FAM168A: variants seen among roughly 807,000 people sequenced by gnomAD.
FAM168A encodes family with sequence similarity 168 member A, also known as protein FAM168A.
FAM168A carries 3 observed loss-of-function variants against 28.5 expected under a neutral mutation model. That is an observed-to-expected ratio of 0.11 (90% CI 0.05 to 0.27). The LOEUF is 0.27. Among genes scored for constraint, FAM168A ranks in the 10% least tolerant of loss-of-function variants. FAM168A has a pLI of 1.00. For missense variants in FAM168A, 222 were observed against 311.5 expected (o/e 0.71, Z 2.16); for synonymous variants, 122 against 124.2 (o/e 0.98, Z 0.12).
At chr11:73,585,709 A>C (rs1944304891) in intron 1 of FAM168A, among the ~76,000 whole-genome samples, 1 of 151,880 alleles carries the variant, frequency 6.6e-6, no homozygotes, top group Non-Finnish European at 1.5e-5. Context: ...CACTACCAAA[A>C]ATACAAAAAT....
In FAM168A at chr11:73,581,873, C is replaced by T. The variant is rs1459769255; in HGVS notation, c.-19+16050G>A. On this transcript the variant is annotated intron_variant, in intron 1 of 7. Coordinates refer to ENST00000356467, the MANE Select transcript of FAM168A (RefSeq NM_015159.3). ...AGCTGGGACTACAGGCATGCGCCAC[C>T]ATGCCCAGCTAATTTTTGTATTTTT... Among the ~76,000 whole-genome samples the T allele has an allele frequency of 3.8e-4, 58 of 152,102 alleles. 3 individuals are homozygous for T. The highest frequency in any genetic ancestry group is 3.7e-3 in the Admixed American group (57 of 15,274).
intron 1 of FAM168A, among the ~76,000 whole-genome samples, chr11:73,483,851 A>C (rs1868001485): frequency 6.6e-6 from 1 of 152,232 alleles, no homozygotes; most frequent in Non-Finnish European, 1.5e-5. Flanking sequence ...CTAATTACCC[A>C]CCAACCATTA....
intron 1 of FAM168A, 71 bp from the exon 2 acceptor site, chr11:73,468,563 TA>T: frequency 8.1e-7 from 1 of 1,235,460 alleles, no homozygotes; most frequent in East Asian, 2.4e-5. Context: ...TTCTCCTCCA[TA>T]ATCTTCAGTT....
chr11:73,421,393 T>C (rs978487674), intron 3 of FAM168A, among the ~76,000 whole-genome samples: 4 of 152,220 alleles, frequency 2.6e-5, no homozygotes, highest in Non-Finnish European at 5.9e-5. Flanking sequence ...GACTCTGCAT[T>C]TGCATTAATG....
At chr11:73,447,616 T>TG (rs1867343820) in intron 2 of FAM168A, among the ~76,000 whole-genome samples, 3 of 151,326 alleles carry the variant, frequency 2.0e-5, no homozygotes, top group Admixed American at 2.0e-4. Flanking sequence ...ATCAGTCCAG[T>TG]GATGGCCCCC....
chr11:73,519,624 G>C (rs1240436836), intron 1 of FAM168A, among the ~76,000 whole-genome samples: 2 of 152,142 alleles, frequency 1.3e-5, no homozygotes, highest in African/African-American at 4.8e-5. Context: ...ATGATGGAGA[G>C]AGGAACAGGC....
At chr11:73,421,325 G>A (rs1490623294) in intron 3 of FAM168A, among the ~76,000 whole-genome samples, 1 of 152,214 alleles carries the variant, frequency 6.6e-6, no homozygotes, top group Non-Finnish European at 1.5e-5. Flanking sequence ...GGCCAGAGAA[G>A]GTCAGGGACT....
chr11:73,479,092 C>T (rs1178305916), intron 1 of FAM168A, among the ~76,000 whole-genome samples: 1 of 152,150 alleles, frequency 6.6e-6, no homozygotes, highest in Admixed American at 6.5e-5. Flanking sequence ...GGGGAAGGTG[C>T]CCTTTCCTCT....
intron 1 of FAM168A, among the ~76,000 whole-genome samples, chr11:73,569,679 G>A (rs374128503): frequency 3.4e-4 from 52 of 151,972 alleles, no homozygotes; most frequent in African/African-American, 9.9e-4. Flanking sequence ...AAAATTAGCC[G>A]GGCGTGGTGA....
chr11:73,484,494 A>C (rs1426868333), intron 1 of FAM168A, among the ~76,000 whole-genome samples: 1 of 146,722 alleles, frequency 6.8e-6, no homozygotes, highest in East Asian at 1.9e-4. Flanking sequence ...GGGCAGAACT[A>C]AGAGGAGAGA....
At chr11:73,582,797 T>C (rs1231233793) in intron 1 of FAM168A, among the ~76,000 whole-genome samples, 5 of 152,224 alleles carry the variant, frequency 3.3e-5, no homozygotes, top group Admixed American at 3.3e-4. Flanking sequence ...CATTTACCAA[T>C]GTGATCTGCA....
At chr11:73,479,016 A>G (rs1867930519) in intron 1 of FAM168A, among the ~76,000 whole-genome samples, 1 of 152,178 alleles carries the variant, frequency 6.6e-6, no homozygotes, top group East Asian at 1.9e-4. Flanking sequence ...AGTTTTGCTC[A>G]TGAGATGTAA....
intron 1 of FAM168A, among the ~76,000 whole-genome samples, chr11:73,548,296 G>A (rs113663704): frequency 2.8e-4 from 42 of 151,402 alleles, no homozygotes; most frequent in African/African-American, 1.0e-3. Flanking sequence ...ATGGTAGTAT[G>A]AAATAGGAAG....
chr11:73,582,083 C>T (rs1434161721), intron 1 of FAM168A, among the ~76,000 whole-genome samples: 1 of 152,172 alleles, frequency 6.6e-6, no homozygotes, highest in African/African-American at 2.4e-5. Flanking sequence ...CTACACCTTA[C>T]TCATCTCCGT....
intron 1 of FAM168A, among the ~76,000 whole-genome samples, chr11:73,471,528 C>T (rs1465400672): frequency 6.6e-6 from 1 of 152,156 alleles, no homozygotes; most frequent in African/African-American, 2.4e-5. Flanking sequence ...AGTTGTCATA[C>T]ATTTGTAGTT....
intron 2 of FAM168A, among the ~76,000 whole-genome samples, chr11:73,445,643 T>C (rs1440541332): frequency 6.6e-6 from 1 of 151,982 alleles, no homozygotes; most frequent in Non-Finnish European, 1.5e-5. Flanking sequence ...GGTGAGGTCC[T>C]AAAGGAAGTA....
intron 2 of FAM168A, among the ~76,000 whole-genome samples, chr11:73,462,917 GAAGAGAAGAGAA>G (rs762429956): frequency 6.6e-6 from 1 of 151,124 alleles, no homozygotes; most frequent in Non-Finnish European, 1.5e-5. Context: ...GAGGAGAGGA[GAAGAGAAGAGAA>G]AAGAGAAGAG....
At chr11:73,538,073 A>C (rs759301104) in intron 1 of FAM168A, among the ~76,000 whole-genome samples, 7 of 152,192 alleles carry the variant, frequency 4.6e-5, no homozygotes, top group Non-Finnish European at 7.4e-5. Context: ...AGAGATGAAA[A>C]AACTATGGCT....
At chr11:73,411,273 C>T (rs1026009157) in intron 5 of FAM168A, 121 bp downstream of exon 5, 27 of 1,118,914 alleles carry the variant, frequency 2.4e-5, no homozygotes, top group East Asian at 4.9e-5. Flanking sequence ...ACAACAAGGA[C>T]GGCTAGCCAG....
Sources: allele counts gnomAD v4.1 joint callset (sites outside exome capture counted in the v4.1 genomes callset), GRCh38; gene constraint gnomAD v4.1.1; transcripts MANE v1.5; gene names NCBI Gene and HGNC (gene_info 2026-07-23, HGNC 2026-07-21).